The following SLC28A1 variants were observed in gnomAD, a reference collection of about 807,000 sequenced individuals.
The protein encoded by SLC28A1 is solute carrier family 28 member 1, also known as sodium/nucleoside cotransporter 1.
A neutral mutation model predicts 74.8 loss-of-function variants in SLC28A1; 64 were observed. The ratio of observed to expected loss-of-function variants is 0.86; its 90% CI spans 0.70 to 1.05. The LOEUF is 1.05. SLC28A1 is among the 50% of genes least tolerant of loss of function. SLC28A1 has a pLI of 0.00. For synonymous variants in SLC28A1, 359 were observed against 335.0 expected (o/e 1.07, Z -0.78); for missense variants, 828 against 822.8 (o/e 1.01, Z -0.08).
chr15:84,923,581 G>A (rs1053938884), intron 11 of SLC28A1, among the ~76,000 whole-genome samples: 1 of 152,160 alleles, frequency 6.6e-6, no homozygotes, highest in Non-Finnish European at 1.5e-5. Context: ...GGCTGCAGGA[G>A]AGCTTGGGCC....
chr15:84,933,569 G>A (rs955791219), intron 13 of SLC28A1, among the ~76,000 whole-genome samples: 2 of 152,194 alleles, frequency 1.3e-5, no homozygotes, highest in African/African-American at 4.8e-5. Flanking sequence ...CTTGCTGCTG[G>A]GGATTCTGCA....
chr15:84,946,809 A>G (rs1234382114), downstream of SLC28A1, among the ~76,000 whole-genome samples: 1 of 151,796 alleles, frequency 6.6e-6, no homozygotes, highest in Non-Finnish European at 1.5e-5. Flanking sequence ...TGGAGTTCCT[A>G]TCACCAGCAT....
intron 11 of SLC28A1, 123 bp from the exon 12 acceptor site, chr15:84,923,862 G>C (rs1970161109): frequency 2.3e-6 from 3 of 1,291,642 alleles, no homozygotes; most frequent in African/African-American, 2.9e-5. Context: ...TACAGACCCT[G>C]GTCCTTACCC....
At chr15:84,960,228 C>CTT in the SLC28A1 span, among the ~76,000 whole-genome samples, 28 of 85,586 alleles carry the variant, frequency 3.3e-4, no homozygotes, top group East Asian at 7.2e-4. Context: ...TGCCTGCCTG[C>CTT]TTTTTTTTTT....
chr15:84,971,880 C>T, the SLC28A1 span, among the ~76,000 whole-genome samples: 1 of 152,326 alleles, frequency 6.6e-6, no homozygotes, highest in Non-Finnish European at 1.5e-5. Flanking sequence ...AACTTCTGGG[C>T]TCAAAATCAT....
intron 12 of SLC28A1, among the ~76,000 whole-genome samples, chr15:84,932,890 G>A (rs923826907): frequency 3.9e-5 from 6 of 152,170 alleles, no homozygotes; most frequent in African/African-American, 1.4e-4. Flanking sequence ...TTTCTTGTCT[G>A]TAAAATGAAG....
chr15:84,970,250 G>A, the SLC28A1 span, among the ~76,000 whole-genome samples: 5 of 152,096 alleles, frequency 3.3e-5, no homozygotes, highest in African/African-American at 7.2e-5. Flanking sequence ...TATCTTTCTC[G>A]AGTCTCTTTT....
chr15:84,924,199 C>T (rs966916051), intron 12 of SLC28A1, 89 bp downstream of exon 12: 3 of 1,442,816 alleles, frequency 2.1e-6, no homozygotes, highest in Non-Finnish European at 2.9e-6. Context: ...CCAGAGCAGC[C>T]CTCAGATCTT....
At chr15:84,956,793 C>T in the SLC28A1 span, among the ~76,000 whole-genome samples, 2 of 151,526 alleles carry the variant, frequency 1.3e-5, no homozygotes, top group Non-Finnish European at 2.9e-5. Context: ...ACGTGAGCTA[C>T]TGCACCTGGC....
intron 8 of SLC28A1, among the ~76,000 whole-genome samples, chr15:84,906,977 G>A (rs1221044186): frequency 6.6e-6 from 1 of 152,188 alleles, no homozygotes; most frequent in East Asian, 1.9e-4. Context: ...GTTCCGATGA[G>A]TTGAGTGGAG....
chr15:84,905,449 C>A (rs942130971), intron 7 of SLC28A1, 90 bp from the exon 8 acceptor site: 4 of 862,094 alleles, frequency 4.6e-6, no homozygotes, highest in Admixed American at 1.8e-5. Context: ...ATCCTCTGGG[C>A]AGGGCAATGC....
chr15:84,952,064 C>T, the SLC28A1 span, among the ~76,000 whole-genome samples: 2 of 152,092 alleles, frequency 1.3e-5, no homozygotes, highest in African/African-American at 2.4e-5. Context: ...GTAAGTGTGG[C>T]CCAGTCTACC....
At chr15:84,917,655 A>G (rs1243654462) in intron 9 of SLC28A1, among the ~76,000 whole-genome samples, 3 of 152,044 alleles carry the variant, frequency 2.0e-5, no homozygotes, top group African/African-American at 4.8e-5. Context: ...ATTTAACAAC[A>G]TATCTTGGAA....
intron 11 of SLC28A1, among the ~76,000 whole-genome samples, chr15:84,921,776 T>C (rs1396182507): frequency 6.6e-6 from 1 of 152,226 alleles, no homozygotes; most frequent in Non-Finnish European, 1.5e-5. Context: ...TTTTGTTTAG[T>C]TTTGTCTTGT....
chr15:84,904,045 T>G (rs1344126217), intron 6 of SLC28A1, 52 bp from the exon 7 acceptor site: 4 of 1,611,570 alleles, frequency 2.5e-6, no homozygotes, highest in Non-Finnish European at 2.5e-6. Flanking sequence ...TGTGTGTGGG[T>G]GGGGTGGGGG....
chr15:84,893,772 G>A (rs888513608), intron 5 of SLC28A1, among the ~76,000 whole-genome samples: 3 of 152,200 alleles, frequency 2.0e-5, no homozygotes, highest in Admixed American at 2.0e-4. Flanking sequence ...GAGCCTCACT[G>A]GCTTTCTAGG....
Position 84,944,624 on chromosome 15 carries a change from C to T in SLC28A1, c.1722C>T (p.Phe574=), listed in dbSNP as rs1207152949. The T allele has an allele frequency of 6.2e-7, 1 of 1,614,086 alleles. No homozygotes were observed. Among genetic ancestry groups the T allele is most frequent in the Non-Finnish European group, 8.5e-7 (1 of 1,179,926 alleles). Residue 574 remains phenylalanine, a synonymous_variant, in exon 17 of 19, where the codon TTC becomes TTT. Coordinates refer to ENST00000394573, the MANE Select transcript of SLC28A1 (RefSeq NM_004213.5). Reference sequence around the variant, plus strand: ...CCCAGATAGTGCTCCGGGCGCTCTTCACGGGAGCCTGTGTGTCCCTGGTGA... The same window carrying T: ...CCCAGATAGTGCTCCGGGCGCTCTTTACGGGAGCCTGTGTGTCCCTGGTGA... ...DFSQIVLRAL[F]TGACVSLVNA...
chr15:84,953,291 CCTT>C, the SLC28A1 span, among the ~76,000 whole-genome samples: 11 of 152,328 alleles, frequency 7.2e-5, no homozygotes, highest in African/African-American at 2.6e-4. Flanking sequence ...GACAGGGCCT[CCTT>C]CTGAAAAGTT....
intron 11 of SLC28A1, among the ~76,000 whole-genome samples, chr15:84,923,020 C>G (rs547916519): frequency 4.6e-5 from 7 of 152,332 alleles, no homozygotes; most frequent in Admixed American, 3.3e-4. Context: ...TCACTGCAAC[C>G]TCCGCCTCCC....
Sources: gnomAD v4.1 joint callset for allele counts (sites outside exome capture counted in the v4.1 genomes callset) on GRCh38, gnomAD v4.1.1 for gene constraint, MANE v1.5 for transcripts, NCBI Gene and HGNC (gene_info 2026-07-23, HGNC 2026-07-21) for gene names.